LHX8: variants seen among roughly 807,000 people sequenced by gnomAD.
LHX8 encodes LIM/homeobox protein Lhx8.
Under a neutral mutation model 40.3 loss-of-function variants are expected in LHX8, and 12 were observed. That is an observed-to-expected ratio of 0.30 (90% CI 0.19 to 0.48). LHX8 has a LOEUF of 0.48. Among genes scored for constraint, LHX8 ranks in the 20% least tolerant of loss-of-function variants. The pLI is 0.99. For synonymous variants in LHX8, 179 were observed against 162.0 expected (o/e 1.10, Z -0.80); for missense variants, 344 against 433.7 (o/e 0.79, Z 1.84).
intron 3 of LHX8, among the ~76,000 whole-genome samples, chr1:75,137,824 TG>T (rs1389110447): frequency 1.3e-5 from 2 of 152,230 alleles, no homozygotes; most frequent in Non-Finnish European, 2.9e-5. Flanking sequence ...TACAGTCCTA[TG>T]TTTTTTTACA....
the LHX8 span, among the ~76,000 whole-genome samples, chr1:75,169,973 C>A: frequency 2.0e-5 from 3 of 152,200 alleles, no homozygotes; most frequent in Admixed American, 6.5e-5. Flanking sequence ...CTCTAGGAGC[C>A]TGCCAGCTAT....
intron 1 of LHX8, chr1:75,128,680 A>T (rs369818884): frequency 2.6e-5 from 4 of 152,368 alleles, no homozygotes; most frequent in African/African-American, 7.2e-5. Flanking sequence ...TTGACAAATA[A>T]TAATCAACAG....
chr1:75,142,126 G>A (rs933992459), intron 4 of LHX8, among the ~76,000 whole-genome samples: 1 of 152,108 alleles, frequency 6.6e-6, no homozygotes, highest in Non-Finnish European at 1.5e-5. Flanking sequence ...ATTTTTGGTA[G>A]TAACTTAAAG....
At chr1:75,166,198 T>C (rs138974438), downstream of LHX8, among the ~76,000 whole-genome samples, 1 of 152,152 alleles carries the variant, frequency 6.6e-6, no homozygotes. Context: ...AAGTCAGAGG[T>C]GGAGCATCTA....
the LHX8 span, among the ~76,000 whole-genome samples, chr1:75,194,551 G>T: frequency 6.6e-6 from 1 of 152,128 alleles, no homozygotes. Context: ...AGCATTTATA[G>T]CCACCACCTG....
intron 8 of LHX8, 76 bp downstream of exon 8, chr1:75,157,152 C>A (rs1648792808): frequency 1.3e-6 from 2 of 1,490,448 alleles, no homozygotes; most frequent in Non-Finnish European, 1.9e-6. Flanking sequence ...ATTATTGATA[C>A]AATTCACATT....
At chr1:75,191,933 T>C in the LHX8 span, among the ~76,000 whole-genome samples, 1 of 152,098 alleles carries the variant, frequency 6.6e-6, no homozygotes, top group Non-Finnish European at 1.5e-5. Context: ...TTGCAGAAAG[T>C]TTTATAGTTT....
intron 7 of LHX8, among the ~76,000 whole-genome samples, chr1:75,154,519 T>A (rs1162653860): frequency 2.0e-5 from 3 of 152,064 alleles, no homozygotes; most frequent in Non-Finnish European, 2.9e-5. Context: ...TGCAACATGT[T>A]TTAGGTTATA....
chr1:75,174,551 G>A, the LHX8 span, among the ~76,000 whole-genome samples: 1 of 152,098 alleles, frequency 6.6e-6, no homozygotes, highest in Non-Finnish European at 1.5e-5. Context: ...CACAGCCATT[G>A]CCCCAAGACA....
At chr1:75,191,258 A>G in the LHX8 span, among the ~76,000 whole-genome samples, 1 of 151,994 alleles carries the variant, frequency 6.6e-6, no homozygotes, top group African/African-American at 2.4e-5. Flanking sequence ...CAAGAAGGAA[A>G]GGGATCCAAG....
At chr1:75,141,364 A>G (rs1016090538) in intron 4 of LHX8, among the ~76,000 whole-genome samples, 11 of 151,990 alleles carry the variant, frequency 7.2e-5, no homozygotes, top group African/African-American at 2.7e-4. Flanking sequence ...TTGAGGCATT[A>G]CAAACAGGGA....
chr1:75,155,975 G>T lies in LHX8; in HGVS notation c.781-918G>T, dbSNP rs531844618. Among the ~76,000 whole-genome samples the T allele has an allele frequency of 2.6e-5, 4 of 151,388 alleles. No individual in the cohort carries two copies. The East Asian group carries it at 7.8e-4, about 29-fold the overall frequency. On this transcript the variant is annotated intron_variant, in intron 7 of 8. Coordinates refer to ENST00000356261, the MANE Select transcript of LHX8 (RefSeq NM_001256114.2). ...AGGATTTGAAATAAGTCCAGCAGGTGCCTAAGAATACATTTAGTAGTCTTT... is the reference window on the plus strand; with the variant it reads ...AGGATTTGAAATAAGTCCAGCAGGTTCCTAAGAATACATTTAGTAGTCTTT...
chr1:75,135,674 G>GT (rs1648103862), intron 1 of LHX8, among the ~76,000 whole-genome samples: 1 of 152,208 alleles, frequency 6.6e-6, no homozygotes, highest in African/African-American at 2.4e-5. Flanking sequence ...GGGACGCTGC[G>GT]TTTTCGTTTA....
At chr1:75,180,404 T>A in the LHX8 span, among the ~76,000 whole-genome samples, 2 of 152,186 alleles carry the variant, frequency 1.3e-5, no homozygotes, top group Non-Finnish European at 2.9e-5. Context: ...TACTCTTTTT[T>A]CTCTAAACTT....
upstream of LHX8, chr1:75,130,020 T>C (rs1482667117): frequency 6.5e-6 from 1 of 153,226 alleles, no homozygotes; most frequent in African/African-American, 2.4e-5. Flanking sequence ...TTTATCATTC[T>C]AAACAGTAAA....
the LHX8 span, among the ~76,000 whole-genome samples, chr1:75,179,213 G>T: frequency 6.6e-6 from 1 of 152,162 alleles, no homozygotes; most frequent in Non-Finnish European, 1.5e-5. Context: ...TCAAGTTCAA[G>T]TCCTGGTTAT....
downstream of LHX8, among the ~76,000 whole-genome samples, chr1:75,162,670 A>G (rs1306179462): frequency 6.6e-6 from 1 of 152,174 alleles, no homozygotes; most frequent in Non-Finnish European, 1.5e-5. Context: ...AAAGCTATCA[A>G]AATAGATGAG....
At chr1:75,196,760 C>G in the LHX8 span, among the ~76,000 whole-genome samples, 1 of 152,186 alleles carries the variant, frequency 6.6e-6, no homozygotes, top group Non-Finnish European at 1.5e-5. Flanking sequence ...ACGAGAGTTA[C>G]TCATGTGCTC....
intron 4 of LHX8, 43 bp from the exon 5 acceptor site, chr1:75,143,075 C>A: frequency 2.0e-6 from 3 of 1,466,256 alleles, no homozygotes; most frequent in Non-Finnish European, 2.9e-6. Flanking sequence ...AATATCTCAC[C>A]AGGCATTAAA....
Sources: allele counts gnomAD v4.1 joint callset (sites outside exome capture counted in the v4.1 genomes callset), GRCh38; gene constraint gnomAD v4.1.1; transcripts MANE v1.5; gene names NCBI Gene and HGNC (gene_info 2026-07-23, HGNC 2026-07-21).